The following ADAM10 variants were observed in gnomAD, a reference collection of about 807,000 sequenced individuals.
The protein encoded by ADAM10 is disintegrin and metalloproteinase domain-containing protein 10.
Under a neutral mutation model 90.1 loss-of-function variants are expected in ADAM10, and 17 were observed. That is an observed-to-expected ratio of 0.19 (90% CI 0.13 to 0.28). The LOEUF (loss-of-function observed/expected upper bound fraction) is 0.28, where lower values mean the gene tolerates loss of function less well. ADAM10 is among the 10% of genes least tolerant of loss of function. The probability of loss-of-function intolerance (pLI) is 1.00; values close to 1 mark genes in which losing one functional copy is unlikely to be tolerated. For missense variants in ADAM10, 610 were observed against 914.3 expected (o/e 0.67, Z 4.29); for synonymous variants, 310 against 298.6 (o/e 1.04, Z -0.40).
intron 1 of ADAM10, among the ~76,000 whole-genome samples, chr15:58,740,363 C>T (rs1381854990): frequency 3.3e-5 from 5 of 151,272 alleles, no homozygotes; most frequent in South Asian, 2.1e-4. Context: ...GAGCCAAGAT[C>T]GCACCACTGC....
intron 1 of ADAM10, among the ~76,000 whole-genome samples, chr15:58,742,994 G>T (rs1899665302): frequency 1.3e-5 from 2 of 152,050 alleles, no homozygotes; most frequent in Admixed American, 1.3e-4. Context: ...AGAGGTCAAG[G>T]CTGCAGTGAG....
Position 58,591,232 on chromosome 15 carries a change from C to G in ADAM10, c.*6315G>C, listed in dbSNP as rs1049952608. ...ATGACTGATAGCTTCAAGAGTTCAC[C>G]CTAGCAGTTGAAATCAATTAATTAT... On this transcript the variant is annotated 3_prime_UTR_variant, in exon 16 of 16. Transcript: ENST00000260408. 1 of 152,068 alleles carries G rather than the reference C, an allele frequency of 6.6e-6. No homozygotes were observed. Among genetic ancestry groups the G allele is most frequent in the Non-Finnish European group, 1.5e-5 (1 of 67,998 alleles). The allele number at this position is 152,068 out of a possible 1,614,324, so 9.4% of individuals were successfully genotyped here.
At chr15:58,654,140 T>G (rs1004909281) in intron 5 of ADAM10, among the ~76,000 whole-genome samples, 4 of 152,218 alleles carry the variant, frequency 2.6e-5, no homozygotes, top group African/African-American at 9.6e-5. Flanking sequence ...GTTTACGATT[T>G]CAAAAAACAA....
intron 9 of ADAM10, among the ~76,000 whole-genome samples, chr15:58,629,617 T>C (rs1376571915): frequency 2.6e-5 from 4 of 152,162 alleles, no homozygotes; most frequent in Admixed American, 6.5e-5. Flanking sequence ...TGTCTAACTA[T>C]AAGAAAGAAA....
intron 11 of ADAM10, among the ~76,000 whole-genome samples, chr15:58,619,434 A>G (rs1176215789): frequency 1.3e-5 from 2 of 152,220 alleles, no homozygotes; most frequent in African/African-American, 4.8e-5. Flanking sequence ...ACAATTAGCA[A>G]TAACTAATTG....
At chr15:58,673,478 A>C (rs993617752) in intron 4 of ADAM10, among the ~76,000 whole-genome samples, 5 of 151,282 alleles carry the variant, frequency 3.3e-5, no homozygotes, top group African/African-American at 1.2e-4. Context: ...ATATTTCTGA[A>C]ATAATTCATT....
intron 8 of ADAM10, among the ~76,000 whole-genome samples, chr15:58,634,474 T>G (rs1896195325): frequency 1.3e-5 from 2 of 152,248 alleles, no homozygotes; most frequent in Non-Finnish European, 2.9e-5. Flanking sequence ...TTTATCATTT[T>G]GTACTTCATC....
At chr15:58,632,925 G>A (rs1286186439) in intron 9 of ADAM10, among the ~76,000 whole-genome samples, 1 of 152,040 alleles carries the variant, frequency 6.6e-6, no homozygotes, top group Non-Finnish European at 1.5e-5. Flanking sequence ...ATTGTTCTAG[G>A]GCCAGGAGAT....
At position 58,591,808 on chromosome 15, in the gene ADAM10, AACAAT is replaced by A. The variant is rs1200752665; in HGVS notation, c.*5734_*5738del. 2.0e-5 allele frequency: 3 copies of A among 152,248 alleles called. No individual in the cohort carries two copies. Among genetic ancestry groups the A allele is most frequent in the African/African-American group, 7.2e-5 (3 of 41,468 alleles). The allele number at this position is 152,248 out of a possible 1,614,324, so 9.4% of individuals were successfully genotyped here. ...CTAAAAGGGGTCCTTTAAAAAATGT[AACAAT>A]ACCATTATCACACCTAAAAATAATT... is the stretch of plus-strand genomic sequence containing the variant. On this transcript the variant is annotated 3_prime_UTR_variant, in exon 16 of 16. Coordinates refer to ENST00000260408, the MANE Select transcript of ADAM10 (RefSeq NM_001110.4).
At chr15:58,749,458 G>A (rs1595678603) in intron 1 of ADAM10, 22 bp downstream of exon 1, 5 of 1,524,504 alleles carry the variant, frequency 3.3e-6, no homozygotes, top group Middle Eastern at 3.6e-4. Context: ...CGGCGCCCCC[G>A]GCGCTCGCAG....
chr15:58,640,183 C>T (rs1896378083), intron 8 of ADAM10, among the ~76,000 whole-genome samples: 1 of 152,194 alleles, frequency 6.6e-6, no homozygotes. Flanking sequence ...AAGGCAGAGA[C>T]TCGGCAGAGT....
intron 2 of ADAM10, chr15:58,692,625 GT>G (rs753953316): frequency 5.4e-6 from 3 of 559,460 alleles, no homozygotes; most frequent in Non-Finnish European, 1.1e-5. Context: ...TCTCTTCTAA[GT>G]ACTCTGTCTG....
intron 8 of ADAM10, among the ~76,000 whole-genome samples, chr15:58,639,517 C>T (rs889683898): frequency 6.6e-6 from 1 of 152,112 alleles, no homozygotes; most frequent in Non-Finnish European, 1.5e-5. Flanking sequence ...ATGAAAGTTT[C>T]GAACATGAAA....
intron 5 of ADAM10, among the ~76,000 whole-genome samples, chr15:58,655,669 CATACA>C (rs1566982145): frequency 9.0e-5 from 10 of 110,740 alleles, no homozygotes; most frequent in African/African-American, 3.5e-4. Flanking sequence ...TACATACATA[CATACA>C]TACATATATA....
chr15:58,617,943 A>C (rs1895666251), intron 11 of ADAM10, among the ~76,000 whole-genome samples: 1 of 152,040 alleles, frequency 6.6e-6, no homozygotes, highest in Non-Finnish European at 1.5e-5. Flanking sequence ...TGGAAGAATT[A>C]ATACTGTGAA....
intron 8 of ADAM10, among the ~76,000 whole-genome samples, chr15:58,637,822 G>C (rs1896305244): frequency 6.6e-6 from 1 of 151,974 alleles, no homozygotes; most frequent in South Asian, 2.1e-4. Context: ...GTGGTATTAG[G>C]TTGGTCACAA....
chr15:58,640,278 T>C (rs928526859), intron 8 of ADAM10, among the ~76,000 whole-genome samples: 5 of 152,198 alleles, frequency 3.3e-5, no homozygotes, highest in Admixed American at 1.3e-4. Flanking sequence ...TTCCCTTTTA[T>C]TAAAATAAAG....
rs1192993124 is a variant in ADAM10, at chr15:58,589,298, C to G, written c.*8249G>C. 1 of 152,228 alleles carries G rather than the reference C, an allele frequency of 6.6e-6. No homozygotes were observed. The highest frequency in any genetic ancestry group is 1.5e-5 in the Non-Finnish European group (1 of 68,048). 9.4% of individuals were successfully genotyped at this position (152,228 alleles called of 1,614,324 possible). A position where few individuals can be genotyped will look rare whatever the true frequency, so the allele number is the denominator to read the frequency against. ...AAATAGCAAAGAACATGACGACAGTCAACTGCCCCATGGTTACATCATTTC... is the reference window on the plus strand; with the variant it reads ...AAATAGCAAAGAACATGACGACAGTGAACTGCCCCATGGTTACATCATTTC... On this transcript the variant is annotated 3_prime_UTR_variant, in exon 16 of 16. Transcript: ENST00000260408.
At chr15:58,731,563 G>C (rs1312713557) in intron 1 of ADAM10, among the ~76,000 whole-genome samples, 1 of 152,136 alleles carries the variant, frequency 6.6e-6, no homozygotes, top group Non-Finnish European at 1.5e-5. Flanking sequence ...ACGAAGTCGA[G>C]GCTGGGGTTA....
Sources: allele counts gnomAD v4.1 joint callset (sites outside exome capture counted in the v4.1 genomes callset), GRCh38; gene constraint gnomAD v4.1.1; transcripts MANE v1.5; gene names NCBI Gene and HGNC (gene_info 2026-07-23, HGNC 2026-07-21).